The following TOGARAM1 variants were observed in gnomAD, a reference collection of about 807,000 sequenced individuals.
The protein encoded by TOGARAM1 is TOG array regulator of axonemal microtubules 1, also known as TOG array regulator of axonemal microtubules protein 1.
A neutral mutation model predicts 166.6 loss-of-function variants in TOGARAM1; 100 were observed. The ratio of observed to expected loss-of-function variants is 0.60; its 90% CI spans 0.51 to 0.71. TOGARAM1 has a LOEUF of 0.71. TOGARAM1 is among the 30% of genes least tolerant of loss of function. TOGARAM1 has a pLI of 0.00. For synonymous variants in TOGARAM1, 758 were observed against 763.8 expected (o/e 0.99, Z 0.13); for missense variants, 2,029 against 2,102.7 (o/e 0.96, Z 0.69).
chr14:45,020,040 T>A (rs1027777828), intron 7 of TOGARAM1, among the ~76,000 whole-genome samples: 2 of 152,136 alleles, frequency 1.3e-5, no homozygotes, highest in African/African-American at 4.8e-5. Flanking sequence ...TGAAGAGCCA[T>A]TTGTAGCTTT....
intron 7 of TOGARAM1, among the ~76,000 whole-genome samples, chr14:45,019,864 A>T (rs1282033168): frequency 6.6e-6 from 1 of 152,106 alleles, no homozygotes; most frequent in Admixed American, 6.6e-5. Flanking sequence ...TTGGCTGATG[A>T]CTGCTCTAAC....
intron 15 of TOGARAM1, among the ~76,000 whole-genome samples, chr14:45,053,160 TCTCGAGTAG>T (rs1389819406): frequency 1.3e-5 from 2 of 150,724 alleles, no homozygotes; most frequent in African/African-American, 4.9e-5. Context: ...TGCCTCAGCC[TCTCGAGTAG>T]CTGGGATTAC....
At chr14:45,004,889 T>G (rs1887873876) in intron 4 of TOGARAM1, among the ~76,000 whole-genome samples, 1 of 152,254 alleles carries the variant, frequency 6.6e-6, no homozygotes, top group Non-Finnish European at 1.5e-5. Context: ...TTATTCAATA[T>G]TTATTGAATT....
In TOGARAM1 at chr14:45,023,671, C is replaced by A. The variant is rs145074506; in HGVS notation, c.3239-2112C>A. 5.0e-3 allele frequency among the ~76,000 whole-genome samples: 754 copies of A among 152,264 alleles called. 3 individuals are homozygous for A. The highest frequency in any genetic ancestry group is 5.6e-3 in the Non-Finnish European group (382 of 68,018). On this transcript the variant is annotated intron_variant, in intron 7 of 19. Coordinates refer to ENST00000361462, the MANE Select transcript of TOGARAM1 (RefSeq NM_001308120.2). The stretch of plus-strand genomic sequence containing the variant: ...TTTTCTGTGACATATAAAGAAAAGT[C>A]TTGCCCCGTTGGCAAGCTTAACATG...
Position 44,964,332 on chromosome 14 carries a change from T to C in TOGARAM1, c.1911T>C (p.Tyr637=). The C allele has an allele frequency of 6.2e-7, 1 of 1,614,206 alleles. No homozygotes were observed. The highest frequency in any genetic ancestry group is 8.5e-7 in the Non-Finnish European group (1 of 1,180,034). ...ACGTGAGGGATAGCATGCACATTTA[T>C]GGATCTTACAGCCCAACTATCTGTA... ...GDHVRDSMHI[Y]GSYSPTICTR... The change falls in exon 1 of 20, where the codon TAT becomes TAC. Residue 637 remains tyrosine, a synonymous_variant. Coordinates refer to ENST00000361462, the MANE Select transcript of TOGARAM1 (RefSeq NM_001308120.2).
At chr14:45,060,215 G>A (rs568906065) in intron 16 of TOGARAM1, among the ~76,000 whole-genome samples, 1 of 140,974 alleles carries the variant, frequency 7.1e-6, no homozygotes, top group East Asian at 2.1e-4. Context: ...ACTGCACCCG[G>A]CCTTTTTTTT....
intron 16 of TOGARAM1, among the ~76,000 whole-genome samples, chr14:45,064,616 C>T (rs1883054098): frequency 6.6e-6 from 1 of 151,956 alleles, no homozygotes; most frequent in Non-Finnish European, 1.5e-5. Flanking sequence ...GACTACAAGC[C>T]CATGCCACCC....
intron 18 of TOGARAM1, among the ~76,000 whole-genome samples, chr14:45,070,289 A>T (rs1027027240): frequency 2.0e-5 from 3 of 152,220 alleles, no homozygotes; most frequent in African/African-American, 7.2e-5. Context: ...ATTTTTCATC[A>T]GGTTTACTAT....
intron 16 of TOGARAM1, among the ~76,000 whole-genome samples, chr14:45,056,560 G>A (rs1203033872): frequency 2.6e-5 from 4 of 151,958 alleles, no homozygotes; most frequent in Admixed American, 2.6e-4. Flanking sequence ...TTTTGTTGAG[G>A]ATTTTTATCA....
chr14:45,037,792 C>T lies in TOGARAM1; in HGVS notation c.3812+5416C>T, dbSNP rs915812802. Among the ~76,000 whole-genome samples, 7 of 151,572 alleles carry T rather than the reference C, an allele frequency of 4.6e-5. 1 individual carries two copies. The highest frequency in any genetic ancestry group is 1.7e-4 in the African/African-American group (7 of 41,272). The stretch of plus-strand genomic sequence containing the variant: ...CCTGTAATCTCAACACTTTGGGAGG[C>T]TGAGGCGGGCGGATCACGAGGTCAG... On this transcript the variant is annotated intron_variant, in intron 11 of 19. Coordinates refer to ENST00000361462, the MANE Select transcript of TOGARAM1 (RefSeq NM_001308120.2).
At chr14:44,995,702 A>G in intron 1 of TOGARAM1, 44 bp from the exon 2 acceptor site, 1 of 1,366,262 alleles carries the variant, frequency 7.3e-7, no homozygotes, top group African/African-American at 1.4e-5. Context: ...TATTACCAGG[A>G]AGAATTAACA....
intron 17 of TOGARAM1, among the ~76,000 whole-genome samples, chr14:45,067,364 T>C (rs1372678358): frequency 6.6e-6 from 1 of 152,136 alleles, no homozygotes; most frequent in Non-Finnish European, 1.5e-5. Context: ...AGACTTGATA[T>C]TGCTTTAGAA....
At chr14:45,032,506 A>T in intron 11 of TOGARAM1, 130 bp downstream of exon 11, 1 of 961,070 alleles carries the variant, frequency 1.0e-6, no homozygotes. Context: ...CTTAGGCATC[A>T]GAGTCTTTTC....
intron 2 of TOGARAM1, among the ~76,000 whole-genome samples, chr14:44,998,566 G>A (rs956293861): frequency 2.0e-5 from 3 of 152,190 alleles, no homozygotes; most frequent in African/African-American, 7.2e-5. Context: ...CAGGGAGGTC[G>A]AGGCTGCAGT....
chr14:44,995,219 GT>G (rs1473225244), intron 1 of TOGARAM1, among the ~76,000 whole-genome samples: 2 of 152,156 alleles, frequency 1.3e-5, no homozygotes, highest in Non-Finnish European at 2.9e-5. Context: ...TTATTTACTG[GT>G]TTTAACTAAG....
chr14:44,992,633 T>G lies in TOGARAM1; in HGVS notation c.2047-3113T>G, dbSNP rs1475579920. Among the ~76,000 whole-genome samples, 5 of 145,230 alleles carry G rather than the reference T, an allele frequency of 3.4e-5. No individual in the cohort carries two copies. The East Asian group carries it at 1.0e-3, about 29-fold the overall frequency. On this transcript the variant is annotated intron_variant, in intron 1 of 19. Transcript: ENST00000361462. ...AATCTTTTTTTTTTTTTTTTTTTTTTTTTGAGATGAGTCTCCCTCTGCCTC... is the reference window on the plus strand; with the variant it reads ...AATCTTTTTTTTTTTTTTTTTTTTTGTTTGAGATGAGTCTCCCTCTGCCTC...
Position 44,963,764 on chromosome 14 carries a change from A to C in TOGARAM1, c.1343A>C (p.Lys448Thr). ...TCTGTCAAAGTGCTGGCGGACAACA[A>C]GTTGGTGATCAAACAAGAATACATG... Reference protein sequence around the residue: ...AASVKVLADNKLVIKQEYMKI... With the variant: ...AASVKVLADNTLVIKQEYMKI... The change falls in exon 1 of 20, where the codon AAG (lysine) becomes ACG (threonine). Residue 448 changes from lysine to threonine, a missense_variant. Physicochemically the swap from Lys to Thr is moderately conservative, Grantham distance 78 (BLOSUM62 -1). This residue lies in a region of TOGARAM1 where 1,453 missense variants were observed against 1,432.2 expected (regional missense o/e 1.01). Transcript: ENST00000361462. 1.2e-6 allele frequency: 2 copies of C among 1,613,952 alleles called. No individual in the cohort carries two copies. The highest frequency in any genetic ancestry group is 1.7e-6 in the Non-Finnish European group (2 of 1,179,872).
chr14:45,019,751 TTCC>T (rs1311946421), intron 7 of TOGARAM1, among the ~76,000 whole-genome samples: 1 of 152,224 alleles, frequency 6.6e-6, no homozygotes, highest in Non-Finnish European at 1.5e-5. Flanking sequence ...TGCGGTCACC[TTCC>T]CAGCTAGGCT....
intron 1 of TOGARAM1, among the ~76,000 whole-genome samples, chr14:44,989,565 G>A (rs1332796959): frequency 1.3e-5 from 2 of 151,616 alleles, no homozygotes; most frequent in East Asian, 3.9e-4. Context: ...AAAAAAAACT[G>A]TATTAGTCCA....
Sources: allele counts gnomAD v4.1 joint callset (sites outside exome capture counted in the v4.1 genomes callset), GRCh38; gene constraint gnomAD v4.1.1; regional missense constraint gnomAD v4.1.1; transcripts MANE v1.5; gene names NCBI Gene and HGNC (gene_info 2026-07-23, HGNC 2026-07-21).